Variants in YWHAG observed in about 807,000 individuals in gnomAD.
YWHAG encodes the protein 14-3-3 protein gamma.
In YWHAG, 1 loss-of-function variant was observed where a neutral mutation model predicts 23.3. That is an observed-to-expected ratio of 0.04 (90% CI 0.02 to 0.20). The LOEUF (loss-of-function observed/expected upper bound fraction) is 0.20. YWHAG is among the 10% of genes least tolerant of loss of function. YWHAG has a pLI of 1.00. For synonymous variants in YWHAG, 160 were observed against 144.0 expected (o/e 1.11, Z -0.80); for missense variants, 151 against 338.6 (o/e 0.45, Z 4.35).
At chr7:76,350,614 C>T (rs944699085) in intron 1 of YWHAG, among the ~76,000 whole-genome samples, 2 of 152,154 alleles carry the variant, frequency 1.3e-5, no homozygotes, top group Admixed American at 6.5e-5. Flanking sequence ...GAGGCCAAGG[C>T]GGGCACATCA....
At chr7:76,333,704 CA>C (rs944503297) in intron 1 of YWHAG, among the ~76,000 whole-genome samples, 3 of 152,246 alleles carry the variant, frequency 2.0e-5, no homozygotes, top group Admixed American at 2.0e-4. Flanking sequence ...GCGCTGCTGC[CA>C]CCCATCTCTG....
chr7:76,358,450 C>T lies in YWHAG; in HGVS notation c.87+272G>A, dbSNP rs73703151. Among the ~76,000 whole-genome samples, 695 of 152,196 alleles carry T rather than the reference C, an allele frequency of 4.6e-3. 8 individuals carry two copies. The highest frequency in any genetic ancestry group is 0.016 in the African/African-American group (652 of 41,532). ...AGAGCCGCGGGGGCCGGAGACCCCG[C>T]TCCCAAGTCCAGCCCCGCGGGACCT... On this transcript the variant is annotated intron_variant, in intron 1 of 1. Coordinates refer to ENST00000307630, the MANE Select transcript of YWHAG (RefSeq NM_012479.4).
In YWHAG at chr7:76,358,952, G is replaced by T. The variant is rs927577103; in HGVS notation, c.-144C>A. 2.9e-6 allele frequency: 2 copies of T among 692,956 alleles called. No homozygotes were observed. The highest frequency in any genetic ancestry group is 4.3e-6 in the Non-Finnish European group (2 of 469,458). The allele number at this position is 692,956 out of a possible 1,614,324, so 42.9% of individuals were successfully genotyped here. On this transcript the variant is annotated 5_prime_UTR_variant, in exon 1 of 2. Transcript: ENST00000307630. Reference sequence around the variant, plus strand: ...AGGCGGCGGCTGCGCGGAGGAGGCGGCTGGAGCTGCGACCGCGGGACCGGG... The same window carrying T: ...AGGCGGCGGCTGCGCGGAGGAGGCGTCTGGAGCTGCGACCGCGGGACCGGG...
chr7:76,356,803 T>A (rs1467017752), intron 1 of YWHAG, among the ~76,000 whole-genome samples: 1 of 152,230 alleles, frequency 6.6e-6, no homozygotes, highest in Non-Finnish European at 1.5e-5. Flanking sequence ...CAGATTTGCA[T>A]GTCTAAGGGT....
chr7:76,340,831 A>C lies in YWHAG; in HGVS notation c.88-10598T>G, dbSNP rs539171741. 1.9e-3 allele frequency among the ~76,000 whole-genome samples: 285 copies of C among 152,320 alleles called. 1 individual carries two copies. Among genetic ancestry groups the C allele is most frequent in the Middle Eastern group, 0.01 (3 of 294 alleles). On this transcript the variant is annotated intron_variant, in intron 1 of 1. Transcript: ENST00000307630. ...TTTGTTAGCAGCATTATGACTCAGC[A>C]ATTCCACTCCCAGATATACACAAGA...
intron 1 of YWHAG, among the ~76,000 whole-genome samples, chr7:76,347,189 A>C (rs1275934476): frequency 6.6e-6 from 1 of 152,230 alleles, no homozygotes; most frequent in African/African-American, 2.4e-5. Flanking sequence ...ATCCCCACAG[A>C]TGTTCAACAG....
intron 1 of YWHAG, among the ~76,000 whole-genome samples, chr7:76,344,843 T>C (rs2115629051): frequency 6.6e-6 from 1 of 152,352 alleles, no homozygotes; most frequent in Non-Finnish European, 1.5e-5. Context: ...TCCCCACTCT[T>C]ACCTATAAGA....
chr7:76,350,800 C>G (rs187859939), intron 1 of YWHAG, among the ~76,000 whole-genome samples: 26 of 152,020 alleles, frequency 1.7e-4, no homozygotes, highest in African/African-American at 6.0e-4. Flanking sequence ...GCTGAGATCG[C>G]GCCACTGCAC....
chr7:76,337,832 G>A lies in YWHAG; in HGVS notation c.88-7599C>T, dbSNP rs553527357. On this transcript the variant is annotated intron_variant, in intron 1 of 1. Transcript: ENST00000307630. ...ATTACCGGCATGAGCCACTGTGCCC[G>A]ACCCCATTTGCTGATTGAGCTTTGC... 3.9e-4 allele frequency among the ~76,000 whole-genome samples: 60 copies of A among 152,206 alleles called. 2 individuals are homozygous for A. In the South Asian group the frequency reaches 7.5e-3, roughly 19 times the overall value.
At chr7:76,348,564 C>T (rs1365645181) in intron 1 of YWHAG, among the ~76,000 whole-genome samples, 6 of 151,898 alleles carry the variant, frequency 4.0e-5, no homozygotes, top group East Asian at 1.9e-4. Flanking sequence ...CCACCACGCC[C>T]GACTAATTTT....
At chr7:76,333,362 C>G (rs949249524) in intron 1 of YWHAG, among the ~76,000 whole-genome samples, 3 of 152,318 alleles carry the variant, frequency 2.0e-5, no homozygotes, top group African/African-American at 7.2e-5. Context: ...CTTGGCCGCT[C>G]AGAGTGCTGG....
At chr7:76,351,481 C>T (rs980691754) in intron 1 of YWHAG, among the ~76,000 whole-genome samples, 8 of 152,162 alleles carry the variant, frequency 5.3e-5, no homozygotes, top group African/African-American at 1.9e-4. Context: ...ATAATAACAT[C>T]TATTCTCTAT....
chr7:76,358,098 GAA>G (rs993393019), intron 1 of YWHAG, among the ~76,000 whole-genome samples: 1 of 152,216 alleles, frequency 6.6e-6, no homozygotes, highest in Non-Finnish European at 1.5e-5. Flanking sequence ...AATGGAGAAA[GAA>G]GAGCCTTTTG....
intron 1 of YWHAG, among the ~76,000 whole-genome samples, chr7:76,337,322 T>C (rs1372319108): frequency 6.6e-6 from 1 of 152,152 alleles, no homozygotes; most frequent in Non-Finnish European, 1.5e-5. Flanking sequence ...TCTGGGAATC[T>C]GGATTTGGAC....
chr7:76,357,793 C>A (rs1245443285), intron 1 of YWHAG, among the ~76,000 whole-genome samples: 1 of 152,226 alleles, frequency 6.6e-6, no homozygotes, highest in Non-Finnish European at 1.5e-5. Context: ...TGACTTGATA[C>A]TGCCTCTCAC....
chr7:76,330,372 G>C, intron 1 of YWHAG, 139 bp from the exon 2 acceptor site: 1 of 938,870 alleles, frequency 1.1e-6, no homozygotes, highest in Non-Finnish European at 1.6e-6. Flanking sequence ...CTGGGGGAAG[G>C]GGGCTGGAGG....
intron 1 of YWHAG, among the ~76,000 whole-genome samples, chr7:76,342,707 G>T (rs73703142): frequency 6.6e-6 from 1 of 152,008 alleles, no homozygotes; most frequent in Non-Finnish European, 1.5e-5. Flanking sequence ...ATCAGGCTTC[G>T]AACCTCCGCT....
Position 76,329,601 on chromosome 7 carries a change from G to C in YWHAG, c.720C>G (p.Asp240Glu). ...CTTAATTGTTGCCTTCGCCGCCATC[G>C]TCGTCCTGCTGGTCGCTCGTCCAGA... ...LTLWTSDQQDDDGGEGNN is the reference protein window; with the variant it reads ...LTLWTSDQQDEDGGEGNN Residue 240 changes from aspartate to glutamate, a missense_variant, in exon 2 of 2, where the codon GAC (aspartate) becomes GAG (glutamate). Asp to Glu is a conservative substitution (Grantham distance 45). Coordinates refer to ENST00000307630, the MANE Select transcript of YWHAG (RefSeq NM_012479.4). This position sits in a 1 kb window ranked among gnomAD's most constrained non-coding sequence, Gnocchi z 6.1. 6.2e-7 allele frequency: 1 copy of C among 1,610,430 alleles called. No individual in the cohort carries two copies. The highest frequency in any genetic ancestry group is 1.3e-5 in the African/African-American group (1 of 74,966).
chr7:76,344,009 G>A (rs1803739507), intron 1 of YWHAG, among the ~76,000 whole-genome samples: 1 of 152,182 alleles, frequency 6.6e-6, no homozygotes, highest in South Asian at 2.1e-4. Flanking sequence ...CAAAGCCCGA[G>A]ATCTATCTTT....
Sources: allele counts gnomAD v4.1 joint callset (sites outside exome capture counted in the v4.1 genomes callset), GRCh38; gene constraint gnomAD v4.1.1; non-coding constraint Gnocchi (gnomAD v3.1); transcripts MANE v1.5; gene names NCBI Gene and HGNC (gene_info 2026-07-23, HGNC 2026-07-21).